Variants in KDM3A observed in about 807,000 individuals in gnomAD.
KDM3A encodes lysine-specific demethylase 3A.
KDM3A carries 60 observed loss-of-function variants against 158.0 expected under a neutral mutation model. That is an observed-to-expected ratio of 0.38 (90% CI 0.31 to 0.47). The LOEUF (loss-of-function observed/expected upper bound fraction) is 0.47, where lower values mean the gene tolerates loss of function less well. Among genes scored for constraint, KDM3A ranks in the 20% least tolerant of loss-of-function variants. The pLI is 0.99. For missense variants in KDM3A, 1,319 were observed against 1,574.3 expected (o/e 0.84, Z 2.74); for synonymous variants, 608 against 549.3 (o/e 1.11, Z -1.49).
chr2:86,459,782 C>T (rs1444263199), intron 8 of KDM3A, among the ~76,000 whole-genome samples: 2 of 152,116 alleles, frequency 1.3e-5, no homozygotes, highest in African/African-American at 4.8e-5. Flanking sequence ...TTTTATCTTT[C>T]TCAGCATGTT....
Position 86,464,233 on chromosome 2 carries a change from T to G in KDM3A, c.1007+17T>G. On this transcript the variant is annotated intron_variant, in intron 9 of 25. Coordinates refer to ENST00000312912, the MANE Select transcript of KDM3A (RefSeq NM_018433.6). ...TCCTCAAGGGTGAGTAGTGATTTGT[T>G]AAAGATGTTTAATTATAATAATAAA... The G allele has an allele frequency of 6.7e-7, 1 of 1,486,046 alleles. No individual in the cohort carries two copies. 92.1% of individuals were successfully genotyped at this position (1,486,046 alleles called of 1,614,324 possible). A position where few individuals can be genotyped will look rare whatever the true frequency, so the allele number is the denominator to read the frequency against.
At chr2:86,485,655 G>C in intron 20 of KDM3A, 74 bp from the exon 21 acceptor site, 1 of 1,563,352 alleles carries the variant, frequency 6.4e-7, no homozygotes, top group Non-Finnish European at 8.8e-7. Context: ...GGTGTAGAAG[G>C]AACAAAACAG....
chr2:86,454,125 C>T (rs1027958800), intron 4 of KDM3A, among the ~76,000 whole-genome samples: 4 of 152,144 alleles, frequency 2.6e-5, no homozygotes, highest in Non-Finnish European at 5.9e-5. Flanking sequence ...CTGTTTGTCC[C>T]CCCACCTCCC....
chr2:86,440,171 T>A (rs922541204), upstream of KDM3A, among the ~76,000 whole-genome samples: 1 of 106,942 alleles, frequency 9.4e-6, no homozygotes, highest in African/African-American at 4.2e-5. Flanking sequence ...CTACAGATTA[T>A]AAATCCAATT....
At chr2:86,439,711 T>C (rs1192100159), upstream of KDM3A, among the ~76,000 whole-genome samples, 1 of 152,160 alleles carries the variant, frequency 6.6e-6, no homozygotes, top group Non-Finnish European at 1.5e-5. Flanking sequence ...GTAAAATTTC[T>C]CATCGTTCAT....
intron 10 of KDM3A, among the ~76,000 whole-genome samples, chr2:86,469,587 C>T (rs1673310700): frequency 6.6e-6 from 1 of 152,162 alleles, no homozygotes; most frequent in Admixed American, 6.6e-5. Context: ...GAATGATAAT[C>T]CTGTCTGTAG....
chr2:86,457,527 G>C (rs1206979959), intron 8 of KDM3A, among the ~76,000 whole-genome samples: 3 of 152,158 alleles, frequency 2.0e-5, no homozygotes, highest in Non-Finnish European at 4.4e-5. Context: ...TGAAGCAGAT[G>C]GAGATAATAT....
At chr2:86,439,670 T>A (rs1573124750), upstream of KDM3A, among the ~76,000 whole-genome samples, 1 of 152,250 alleles carries the variant, frequency 6.6e-6, no homozygotes, top group East Asian at 1.9e-4. Flanking sequence ...GATATTTATG[T>A]CTTCTACTCT....
chr2:86,441,998 T>C lies in KDM3A; in HGVS notation c.-30-20T>C. ...TCCCACCGGCCGCCCCCGTCGCATT[T>C]TGTTTTTGTGTTTTTGCAGGGAGGA... On this transcript the variant is annotated intron_variant, in intron 1 of 25. Transcript: ENST00000312912. The C allele has an allele frequency of 1.3e-6, 2 of 1,597,014 alleles. No individual in the cohort carries two copies. Among genetic ancestry groups the C allele is most frequent in the Non-Finnish European group, 1.7e-6 (2 of 1,167,418 alleles).
chr2:86,471,599 C>T (rs1030881694), intron 11 of KDM3A, among the ~76,000 whole-genome samples: 1 of 152,104 alleles, frequency 6.6e-6, no homozygotes, highest in Non-Finnish European at 1.5e-5. Context: ...CTATTCTCCT[C>T]CTCCCTTTTC....
chr2:86,452,025 T>C (rs925238013), intron 4 of KDM3A, among the ~76,000 whole-genome samples: 6 of 152,316 alleles, frequency 3.9e-5, no homozygotes, highest in Admixed American at 6.5e-5. Flanking sequence ...TCAATACTTG[T>C]GGTGGTTCAT....
In KDM3A at chr2:86,453,184, G is replaced by T. The variant is rs147236355; in HGVS notation, c.454-1901G>T. Among the ~76,000 whole-genome samples, 110 of 152,216 alleles carry T rather than the reference G, an allele frequency of 7.2e-4. 2 individuals carry two copies. Among genetic ancestry groups the T allele is most frequent in the African/African-American group, 2.6e-3 (109 of 41,536 alleles). The stretch of plus-strand genomic sequence containing the variant: ...TTGTTCTCGGGAAGAGGGGCTGTGG[G>T]GCTGTGAGCCATCAGTGTGAATGTT... On this transcript the variant is annotated intron_variant, in intron 4 of 25. Coordinates refer to ENST00000312912, the MANE Select transcript of KDM3A (RefSeq NM_018433.6).
Position 86,478,203 on chromosome 2 carries a change from GT to G in KDM3A, c.2127del (p.Cys709TrpfsTer2). On this transcript the variant is annotated frameshift_variant, in exon 14 of 26. Transcript: ENST00000312912. LOFTEE classifies it high-confidence loss of function. The stretch of plus-strand genomic sequence containing the variant: ...TACAAGACTTTCTCTTGGCTAAAAT[GT>G]GTGAAGAGTCAGATACATGAACCAG... The part of the protein sequence containing the change: ...AAYKTFSWLK[C>X]VKSQIHEPEN... 6.2e-7 allele frequency: 1 copy of G among 1,614,064 alleles called. No homozygotes were observed. Among genetic ancestry groups the G allele is most frequent in the Non-Finnish European group, 8.5e-7 (1 of 1,179,900 alleles).
chr2:86,476,651 A>G (rs2104688365), intron 12 of KDM3A, among the ~76,000 whole-genome samples: 1 of 152,334 alleles, frequency 6.6e-6, no homozygotes, highest in East Asian at 1.9e-4. Flanking sequence ...TGGCTAAGAG[A>G]TCTAAGAGTA....
At chr2:86,438,120 A>G (rs1682520580), upstream of KDM3A, among the ~76,000 whole-genome samples, 1 of 152,136 alleles carries the variant, frequency 6.6e-6, no homozygotes, top group Non-Finnish European at 1.5e-5. Flanking sequence ...TCTGGTAGAT[A>G]TCCTTTATAG....
intron 23 of KDM3A, chr2:86,489,913 TG>T: frequency 5.7e-6 from 2 of 352,134 alleles, no homozygotes; most frequent in South Asian, 8.1e-5. Context: ...TAGAGATTTT[TG>T]TTCTCTGCTT....
At chr2:86,487,949 C>T (rs1481121147) in intron 21 of KDM3A, 1 of 152,260 alleles carries the variant, frequency 6.6e-6, no homozygotes. Context: ...CCTGCTGAGG[C>T]TTTGCCTCCT....
At chr2:86,440,970 C>T (rs1452914894), upstream of KDM3A, 1 of 152,262 alleles carries the variant, frequency 6.6e-6, no homozygotes, top group African/African-American at 2.4e-5. Context: ...CCAGTAGGCA[C>T]TTATAGCTCA....
At chr2:86,466,277 C>A in intron 9 of KDM3A, 95 bp from the exon 10 acceptor site, 1 of 1,287,862 alleles carries the variant, frequency 7.8e-7, no homozygotes, top group Non-Finnish European at 1.1e-6. Flanking sequence ...TTCTTTCATA[C>A]TCGTTACCTT....
Sources: allele counts gnomAD v4.1 joint callset (sites outside exome capture counted in the v4.1 genomes callset), GRCh38; gene constraint gnomAD v4.1.1; transcripts MANE v1.5; gene names NCBI Gene and HGNC (gene_info 2026-07-23, HGNC 2026-07-21).